The following MTHFD1L variants were observed in gnomAD, a reference collection of about 807,000 sequenced individuals.
MTHFD1L encodes monofunctional C1-tetrahydrofolate synthase, mitochondrial.
In MTHFD1L, 81 loss-of-function variants were observed where a neutral mutation model predicts 119.5. The ratio of observed to expected loss-of-function variants is 0.68; its 90% confidence interval spans 0.57 to 0.82. The LOEUF is 0.82. MTHFD1L is among the 40% of genes least tolerant of loss of function. MTHFD1L has a pLI of 0.00. For synonymous variants in MTHFD1L, 430 were observed against 475.2 expected, an observed-to-expected ratio of 0.90 and a Z score of 1.24; for missense variants, 1,125 against 1,253.4, an observed-to-expected ratio of 0.90 and a Z score of 1.55.
At chr6:150,977,800 A>T (rs1418013273) in intron 20 of MTHFD1L, among the ~76,000 whole-genome samples, 1 of 152,082 alleles carries the variant, frequency 6.6e-6, no homozygotes, top group Non-Finnish European at 1.5e-5. Context: ...TCATTAACTG[A>T]GGGTCACCAG....
intron 25 of MTHFD1L, 44 bp downstream of exon 25, chr6:151,034,644 G>T (rs759232364): frequency 3.2e-6 from 4 of 1,267,712 alleles, no homozygotes; most frequent in East Asian, 2.3e-5. Flanking sequence ...TTCACCTTAG[G>T]CTCTCAGAAT....
intron 7 of MTHFD1L, 89 bp from the exon 8 acceptor site, chr6:150,905,561 G>T: frequency 1.1e-6 from 1 of 908,894 alleles, no homozygotes; most frequent in Non-Finnish European, 1.8e-6. Context: ...GTGGATCTGG[G>T]ATTGTGTAGA....
intron 4 of MTHFD1L, 88 bp from the exon 5 acceptor site, chr6:150,882,674 A>C: frequency 1.0e-6 from 1 of 989,310 alleles, no homozygotes; most frequent in Non-Finnish European, 1.4e-6. Context: ...ATGCATTTTC[A>C]TGAATCCACT....
intron 17 of MTHFD1L, chr6:150,959,081 A>G (rs1053393066): frequency 6.2e-6 from 4 of 640,206 alleles, no homozygotes; most frequent in Non-Finnish European, 7.8e-6. Context: ...AATTTCATAC[A>G]ATGAAAGACC....
chr6:151,033,942 G>A (rs981134767), intron 24 of MTHFD1L, among the ~76,000 whole-genome samples: 4 of 152,078 alleles, frequency 2.6e-5, no homozygotes, highest in South Asian at 2.1e-4. Context: ...TTGGGAGGCC[G>A]AGGTGGACAG....
At chr6:151,085,666 G>A (rs1793723312) in intron 26 of MTHFD1L, among the ~76,000 whole-genome samples, 1 of 152,126 alleles carries the variant, frequency 6.6e-6, no homozygotes, top group Admixed American at 6.5e-5. Flanking sequence ...AGCTACTCGG[G>A]AGGCTGAAGC....
chr6:151,096,383 C>T (rs1470360525), intron 27 of MTHFD1L, among the ~76,000 whole-genome samples: 1 of 152,058 alleles, frequency 6.6e-6, no homozygotes, highest in African/African-American at 2.4e-5. Context: ...CAAAACCCAT[C>T]GTTTGACCCT....
Position 151,067,842 on chromosome 6 carries a change from G to A in MTHFD1L, c.2848-24625G>A, listed in dbSNP as rs541362615. On this transcript the variant is annotated intron_variant, in intron 26 of 27. Transcript: ENST00000367321. ...CATGGTGGCAGCCTGCCAGCTTGGC[G>A]TTACCATTAATTCTTATTCTCTTCC... Among the ~76,000 whole-genome samples, 5 of 152,298 alleles carry A rather than the reference G, an allele frequency of 3.3e-5. No individual in the cohort carries two copies. In the South Asian group the frequency reaches 6.2e-4, roughly 19 times the overall value.
At chr6:150,999,729 G>A (rs1480310912) in intron 20 of MTHFD1L, among the ~76,000 whole-genome samples, 16 of 152,138 alleles carry the variant, frequency 1.1e-4, no homozygotes. Flanking sequence ...TACAAAACAA[G>A]ATGACTCATG....
In MTHFD1L at chr6:150,882,885, G is replaced by A; in HGVS notation, c.541G>A (p.Gly181Arg). 6.4e-7 allele frequency: 1 copy of A among 1,563,614 alleles called. No individual in the cohort carries two copies. Among genetic ancestry groups the A allele is most frequent in the Non-Finnish European group, 8.6e-7 (1 of 1,165,226 alleles). ...NALKPEKDVD[G>R]VTDINLGKLV... ...CTTGAAACCAGAAAAAGATGTGGAT[G>A]GGTAAGAAAATAAAATCAAATAATC... The change falls in exon 5 of 28, where the codon GGA becomes AGA. Residue 181 changes from glycine to arginine, a missense_variant and splice_region_variant. This residue lies in a region of MTHFD1L where 1,058 missense variants were observed against 1,151.2 expected (regional missense o/e 0.92). Transcript: ENST00000367321.
Position 151,029,493 on chromosome 6 carries a change from C to T in MTHFD1L, c.2587-5000C>T, listed in dbSNP as rs554620989. Among the ~76,000 whole-genome samples, 10 of 150,248 alleles carry T rather than the reference C, an allele frequency of 6.7e-5. No individual in the cohort carries two copies. The East Asian group carries it at 1.4e-3, about 21-fold the overall frequency. ...AGATAGATTTCTTACAAAACATTTT[C>T]GTGTTTAAAAATAACAAATCAGGCC... On this transcript the variant is annotated intron_variant, in intron 24 of 27. Transcript: ENST00000367321.
chr6:151,044,295 CTTTT>C (rs1182412170), intron 26 of MTHFD1L, among the ~76,000 whole-genome samples: 2 of 138,496 alleles, frequency 1.4e-5, no homozygotes, highest in Non-Finnish European at 3.2e-5. Context: ...TGGGTACATT[CTTTT>C]TTTTTTTTTT....
intron 7 of MTHFD1L, among the ~76,000 whole-genome samples, chr6:150,892,696 A>G (rs1783522023): frequency 6.6e-6 from 1 of 152,150 alleles, no homozygotes; most frequent in African/African-American, 2.4e-5. Context: ...TGTGTCTTTC[A>G]TGTTAGCAGC....
At position 151,039,948 on chromosome 6, in the gene MTHFD1L, G is replaced by GCATACATGCATACATA. The variant is rs1786829102; in HGVS notation, c.2847+2846_2847+2847insACATACATGCATACAT. On this transcript the variant is annotated intron_variant, in intron 26 of 27. Transcript: ENST00000367321. The surrounding 1 kb of genome is among the most constrained non-coding windows in gnomAD (Gnocchi z 4.4). ...TACATACATACATACATACATACAT[G>GCATACATGCATACATA]CATACATGCATACATGCATACATAG... 7.4e-6 allele frequency among the ~76,000 whole-genome samples: 1 copy of GCATACATGCATACATA among 134,810 alleles called. No individual in the cohort carries two copies. Among genetic ancestry groups the GCATACATGCATACATA allele is most frequent in the Admixed American group, 8.0e-5 (1 of 12,430 alleles). 88.4% of individuals were successfully genotyped at this position (134,810 alleles called of 152,430 possible).
intron 18 of MTHFD1L, among the ~76,000 whole-genome samples, chr6:150,962,239 C>T (rs148253974): frequency 6.6e-6 from 1 of 152,258 alleles, no homozygotes; most frequent in South Asian, 2.1e-4. Context: ...CCCACCTCGA[C>T]CTCCCAAAGT....
intron 27 of MTHFD1L, among the ~76,000 whole-genome samples, chr6:151,100,711 A>C (rs1795301433): frequency 6.6e-6 from 1 of 151,612 alleles, no homozygotes; most frequent in South Asian, 2.1e-4. Flanking sequence ...ATGGCAATGA[A>C]TCTTAATAGC....
chr6:151,080,645 G>A (rs898965370), intron 26 of MTHFD1L, among the ~76,000 whole-genome samples: 9 of 152,228 alleles, frequency 5.9e-5, no homozygotes, highest in Admixed American at 3.3e-4. Context: ...TAGGGCTGCC[G>A]TAACAAAAGA....
At chr6:150,982,139 T>C (rs1180652829) in intron 20 of MTHFD1L, among the ~76,000 whole-genome samples, 2 of 151,346 alleles carry the variant, frequency 1.3e-5, no homozygotes, top group Non-Finnish European at 2.9e-5. Flanking sequence ...AGAGAGATAA[T>C]ACTTTTTAAA....
chr6:150,944,694 A>G, intron 14 of MTHFD1L, 101 bp downstream of exon 14: 2 of 789,674 alleles, frequency 2.5e-6, no homozygotes, highest in Non-Finnish European at 4.1e-6. Flanking sequence ...CAAACTCTGA[A>G]ATGTTATTCA....
Sources: gnomAD v4.1 joint callset for allele counts (sites outside exome capture counted in the v4.1 genomes callset) on GRCh38, gnomAD v4.1.1 for gene constraint, gnomAD v4.1.1 regional missense constraint, Gnocchi (gnomAD v3.1) non-coding constraint, MANE v1.5 for transcripts, NCBI Gene and HGNC (gene_info 2026-07-23, HGNC 2026-07-21) for gene names.